The following FRMPD4 variants were observed in gnomAD, a reference collection of about 807,000 sequenced individuals.
The protein encoded by FRMPD4 is FERM and PDZ domain-containing protein 4.
In FRMPD4, 22 loss-of-function variants were observed where a neutral mutation model predicts 94.1. That is an observed-to-expected ratio of 0.23 (90% CI 0.17 to 0.33). The LOEUF (loss-of-function observed/expected upper bound fraction) is 0.33. Among genes scored for constraint, FRMPD4 ranks in the 10% least tolerant of loss-of-function variants. The pLI is 1.00. For synonymous variants in FRMPD4, 631 were observed against 548.6 expected, an observed-to-expected ratio of 1.15 and a Z score of -2.10; for missense variants, 1,111 against 1,339.9, an observed-to-expected ratio of 0.83 and a Z score of 2.67.
chrX:12,135,799 T>G (rs962433282), upstream of FRMPD4, among the ~76,000 whole-genome samples: 1 of 111,620 alleles, frequency 9.0e-6, no homozygotes, highest in Non-Finnish European at 1.9e-5. Context: ...AATAGGGTAA[T>G]CCTTTTAAAA....
chrX:12,059,681 G>A (rs1364222802), intron 3 of FRMPD4, among the ~76,000 whole-genome samples: 1 of 109,536 alleles, frequency 9.1e-6, no homozygotes, highest in Non-Finnish European at 1.9e-5. Context: ...CATACCCAAT[G>A]TTTAACTCCC....
intron 3 of FRMPD4, among the ~76,000 whole-genome samples, chrX:12,114,666 T>C (rs1490420910): frequency 1.8e-5 from 2 of 112,536 alleles, no homozygotes; most frequent in Non-Finnish European, 3.8e-5. Context: ...GTTTTATCTA[T>C]GGCAATTTAA....
chrX:11,970,553 G>A (rs138140003), intron 3 of FRMPD4, among the ~76,000 whole-genome samples: 2,937 of 111,868 alleles, frequency 0.026, 42 homozygotes, highest in Non-Finnish European at 0.043. Flanking sequence ...AATGCTCTAA[G>A]ACCAAGTGAG....
intron 1 of FRMPD4, among the ~76,000 whole-genome samples, chrX:12,330,228 A>G (rs1314076782): frequency 9.0e-6 from 1 of 111,266 alleles, no homozygotes; most frequent in Non-Finnish European, 1.9e-5. Context: ...TCTGGGCCTC[A>G]GTTTTCTTAT....
At chrX:12,524,951 C>T (rs111842015) in intron 2 of FRMPD4, among the ~76,000 whole-genome samples, 2 of 111,325 alleles carry the variant, frequency 1.8e-5, no homozygotes, top group Non-Finnish European at 3.8e-5. Context: ...AAATGTTTTG[C>T]GATTCTTTTT....
intron 3 of FRMPD4, among the ~76,000 whole-genome samples, chrX:12,121,622 T>A (rs1166675361): frequency 1.8e-5 from 2 of 111,680 alleles, no homozygotes; most frequent in Non-Finnish European, 3.8e-5. Context: ...TGGGTGGTGG[T>A]ATCCTCAGTG....
chrX:11,866,963 T>C (rs2053723241), intron 2 of FRMPD4, among the ~76,000 whole-genome samples: 2 of 111,197 alleles, frequency 1.8e-5, no homozygotes, highest in Non-Finnish European at 3.8e-5. Context: ...TCTCTTTGGA[T>C]CTGATTGTAT....
chrX:12,498,974 T>C (rs2057886636), intron 2 of FRMPD4, among the ~76,000 whole-genome samples, 178 bp downstream of exon 2: 1 of 110,839 alleles, frequency 9.0e-6, no homozygotes, highest in Non-Finnish European at 1.9e-5. Flanking sequence ...TATTTATTTC[T>C]ATACATTTAT....
At chrX:12,690,641 C>A (rs1311778252) in intron 8 of FRMPD4, among the ~76,000 whole-genome samples, 2 of 112,228 alleles carry the variant, frequency 1.8e-5, no homozygotes, top group African/African-American at 6.5e-5. Context: ...TTTTGGTCAA[C>A]AATCTCTTGA....
intron 1 of FRMPD4, among the ~76,000 whole-genome samples, chrX:12,280,650 C>T (rs1008217633): frequency 2.7e-5 from 3 of 111,815 alleles, no homozygotes; most frequent in African/African-American, 9.8e-5. Context: ...GTACCATTGG[C>T]CTCTGAGAGG....
At chrX:12,712,505 C>T (rs994647879) in intron 14 of FRMPD4, among the ~76,000 whole-genome samples, 5 of 111,454 alleles carry the variant, frequency 4.5e-5, no homozygotes, top group African/African-American at 9.8e-5. Flanking sequence ...GCTATGACTA[C>T]GCCACTACAC....
chrX:12,704,499 A>G lies in FRMPD4; in HGVS notation c.1197+14A>G, dbSNP rs1433214305. Reference sequence around the variant, plus strand: ...CCGGGTAAAAAGGTATCACATTTCCATCTTAAAAGAAAATTATAAAGAGAG... The same window carrying G: ...CCGGGTAAAAAGGTATCACATTTCCGTCTTAAAAGAAAATTATAAAGAGAG... On this transcript the variant is annotated intron_variant, in intron 11 of 16. Transcript: ENST00000675598. 2 of 1,102,159 alleles carry G rather than the reference A, an allele frequency of 1.8e-6. No individual in the cohort carries two copies. Among genetic ancestry groups the G allele is most frequent in the Admixed American group, 2.9e-5 (1 of 34,515 alleles). 90.8% of individuals were successfully genotyped at this position (1,102,159 alleles called of 1,213,427 possible). A position where few individuals can be genotyped will look rare whatever the true frequency, so the allele number is the denominator to read the frequency against.
chrX:12,278,853 A>G (rs984229965), intron 1 of FRMPD4, among the ~76,000 whole-genome samples: 1 of 111,897 alleles, frequency 8.9e-6, no homozygotes, highest in Non-Finnish European at 1.9e-5. Context: ...GGAACGTTCT[A>G]TAGCCTCCCA....
At chrX:11,862,761 A>T (rs2053694392) in intron 1 of FRMPD4, among the ~76,000 whole-genome samples, 1 of 111,212 alleles carries the variant, frequency 9.0e-6, no homozygotes. Context: ...CATCCAAGTC[A>T]TACTGAGTCT....
At chrX:12,437,530 G>T (rs1296540496) in intron 1 of FRMPD4, among the ~76,000 whole-genome samples, 7 of 110,544 alleles carry the variant, frequency 6.3e-5, no homozygotes, top group Non-Finnish European at 1.1e-4. Context: ...GTGGCAAACC[G>T]TCTGAGTTCT....
At chrX:12,447,849 CTG>C (rs1000268268) in intron 1 of FRMPD4, among the ~76,000 whole-genome samples, 4 of 112,279 alleles carry the variant, frequency 3.6e-5, no homozygotes, top group African/African-American at 1.3e-4. Context: ...TTAATTCTCA[CTG>C]TGTTTCCTTT....
rs759736965 is a variant in FRMPD4 at position 11,842,835 on chromosome X, T to A, written c.-161+20120T>A. ...CATCCCTGTCTTGTGCCAGTTTTCA[T>A]AGGGAATGCTTCCAGTTTTTGCCCA... On this transcript the variant is annotated intron_variant, in intron 1 of 18. Transcript: ENST00000640291. Among the ~76,000 whole-genome samples the A allele has an allele frequency of 3.0e-3, 319 of 105,116 alleles. 3 individuals carry two copies. Among genetic ancestry groups the A allele is most frequent in the African/African-American group, 0.011 (306 of 28,413 alleles). The allele number at this position is 105,116 out of a possible 115,157, so 91.3% of individuals were successfully genotyped here.
chrX:12,228,129 G>A (rs1318335524), intron 1 of FRMPD4, among the ~76,000 whole-genome samples: 1 of 112,226 alleles, frequency 8.9e-6, no homozygotes, highest in Non-Finnish European at 1.9e-5. Flanking sequence ...CTACCAAAGA[G>A]GAAACCTTTG....
chrX:12,460,958 C>T (rs370225611), intron 1 of FRMPD4, among the ~76,000 whole-genome samples: 2 of 111,812 alleles, frequency 1.8e-5, no homozygotes, highest in South Asian at 3.7e-4. Context: ...AAGAGATTGT[C>T]CTTTATTTCC....
Sources: gnomAD v4.1 joint callset for allele counts (sites outside exome capture counted in the v4.1 genomes callset) on GRCh38, gnomAD v4.1.1 for gene constraint, MANE v1.5 for transcripts, NCBI Gene and HGNC (gene_info 2026-07-23, HGNC 2026-07-21) for gene names.